The following STIM1 variants were observed in gnomAD, a reference collection of about 807,000 sequenced individuals.
STIM1 encodes stromal interaction molecule 1.
In STIM1, 25 loss-of-function variants were observed where a neutral mutation model predicts 74.7. The observed-to-expected ratio is 0.33, with a 90% CI of 0.24 to 0.47. The LOEUF (loss-of-function observed/expected upper bound fraction) is 0.47, where lower values mean the gene tolerates loss of function less well. Ranked by LOEUF, STIM1 falls within the 20% of genes least tolerant of loss-of-function variation. The pLI, the probability that STIM1 is intolerant of heterozygous loss-of-function variation, is 1.00. For missense variants in STIM1, 728 were observed against 920.8 expected (o/e 0.79, Z 2.71); for synonymous variants, 328 against 348.8 (o/e 0.94, Z 0.66).
At chr11:3,963,671 G>T (rs1013870966) in intron 1 of STIM1, among the ~76,000 whole-genome samples, 1 of 152,262 alleles carries the variant, frequency 6.6e-6, no homozygotes, top group African/African-American at 2.4e-5. Flanking sequence ...CAAGAACCTG[G>T]CTTTTTGTTG....
chr11:4,037,331 G>A (rs934098396), intron 3 of STIM1, among the ~76,000 whole-genome samples: 4 of 152,108 alleles, frequency 2.6e-5, no homozygotes, highest in Non-Finnish European at 4.4e-5. Flanking sequence ...AATTACAGGC[G>A]TGAGCCACTG....
At chr11:3,863,044 C>T (rs1385473608) in intron 1 of STIM1, among the ~76,000 whole-genome samples, 1 of 151,978 alleles carries the variant, frequency 6.6e-6, no homozygotes, top group Non-Finnish European at 1.5e-5. Context: ...AGGTGCCCGC[C>T]ACCACACCTG....
chr11:4,069,055 G>T (rs2094386875), intron 5 of STIM1, among the ~76,000 whole-genome samples: 2 of 152,188 alleles, frequency 1.3e-5, no homozygotes, highest in Admixed American at 6.5e-5. Context: ...CACATCCAGG[G>T]CTCCTCTGAG....
At chr11:4,003,540 T>A (rs201946831) in intron 2 of STIM1, among the ~76,000 whole-genome samples, 35 of 147,934 alleles carry the variant, frequency 2.4e-4, no homozygotes, top group African/African-American at 7.8e-4. Flanking sequence ...ATTCAACAAC[T>A]CTTCATGCTA....
intron 4 of STIM1, among the ~76,000 whole-genome samples, chr11:4,057,913 G>T (rs2094303551): frequency 6.6e-6 from 1 of 151,884 alleles, no homozygotes; most frequent in Non-Finnish European, 1.5e-5. Context: ...ATGGAACTGA[G>T]TTCTTAAGGT....
chr11:4,047,159 C>G (rs2094199690), intron 3 of STIM1, among the ~76,000 whole-genome samples: 1 of 152,184 alleles, frequency 6.6e-6, no homozygotes, highest in African/African-American at 2.4e-5. Flanking sequence ...AGGACACATT[C>G]CGTGCCTTCA....
chr11:3,890,105 C>G (rs2091849829), intron 1 of STIM1, among the ~76,000 whole-genome samples: 1 of 152,154 alleles, frequency 6.6e-6, no homozygotes, highest in African/African-American at 2.4e-5. Context: ...ATTGCTTACT[C>G]CTTGAGACTA....
intron 1 of STIM1, among the ~76,000 whole-genome samples, chr11:3,953,490 G>C (rs1043834298): frequency 1.3e-5 from 2 of 152,206 alleles, no homozygotes; most frequent in African/African-American, 4.8e-5. Context: ...TGCATAGGCT[G>C]ATCCAGATCA....
chr11:4,069,012 A>AT (rs1401264160), intron 5 of STIM1, among the ~76,000 whole-genome samples: 1 of 152,168 alleles, frequency 6.6e-6, no homozygotes, highest in African/African-American at 2.4e-5. Flanking sequence ...TAGCCCTGGC[A>AT]TAACTCCCTT....
chr11:3,879,163 C>A (rs893485205), intron 1 of STIM1, among the ~76,000 whole-genome samples: 3 of 152,076 alleles, frequency 2.0e-5, no homozygotes, highest in Non-Finnish European at 4.4e-5. Context: ...ACCATGTTGG[C>A]CAGGCTGGTC....
chr11:4,069,682 A>C (rs1277747482), intron 5 of STIM1, among the ~76,000 whole-genome samples: 3 of 152,170 alleles, frequency 2.0e-5, no homozygotes, highest in African/African-American at 4.8e-5. Context: ...AAGCCACTAC[A>C]TCTTGGCATA....
At chr11:3,991,169 CTT>C (rs1246143538) in intron 2 of STIM1, among the ~76,000 whole-genome samples, 21 of 124,180 alleles carry the variant, frequency 1.7e-4, no homozygotes, top group East Asian at 2.3e-4. Context: ...TCTTTCCTTT[CTT>C]TTTTTTTTTT....
chr11:4,074,445 AT>A (rs1321924553), intron 6 of STIM1, 56 bp from the exon 7 acceptor site: 9 of 1,601,372 alleles, frequency 5.6e-6, no homozygotes, highest in Non-Finnish European at 7.7e-6. Context: ...GACTCATGGC[AT>A]GTTGGCTGGC....
At chr11:4,010,851 T>A (rs2093828952) in intron 2 of STIM1, among the ~76,000 whole-genome samples, 2 of 152,334 alleles carry the variant, frequency 1.3e-5, no homozygotes, top group South Asian at 4.1e-4. Context: ...GTATTTCTTC[T>A]AATGCTATCC....
intron 2 of STIM1, among the ~76,000 whole-genome samples, chr11:4,017,742 C>A (rs894833388): frequency 1.3e-5 from 2 of 152,132 alleles, no homozygotes; most frequent in African/African-American, 4.8e-5. Context: ...CCTAAAAAAT[C>A]ATGAGGATAG....
At chr11:4,073,293 C>T (rs977536786) in intron 6 of STIM1, among the ~76,000 whole-genome samples, 2 of 152,128 alleles carry the variant, frequency 1.3e-5, no homozygotes, top group African/African-American at 4.8e-5. Flanking sequence ...TCCGTTTTCT[C>T]TTCCAAAGGG....
At chr11:4,053,941 A>G (rs2094266659) in intron 3 of STIM1, among the ~76,000 whole-genome samples, 1 of 152,218 alleles carries the variant, frequency 6.6e-6, no homozygotes, top group Non-Finnish European at 1.5e-5. Flanking sequence ...GCTGTCTAAC[A>G]GAACTTTCTA....
intron 1 of STIM1, among the ~76,000 whole-genome samples, chr11:3,898,394 C>T (rs1436741917): frequency 9.4e-6 from 1 of 105,842 alleles, no homozygotes; most frequent in African/African-American, 4.0e-5. Context: ...TGTTTGAGTT[C>T]ATTGTAGATT....
At chr11:4,086,612 C>T in intron 12 of STIM1, 69 bp downstream of exon 12, 1 of 1,600,722 alleles carries the variant, frequency 6.2e-7, no homozygotes, top group African/African-American at 1.3e-5. Context: ...CGCAGCCTTT[C>T]ATCTGGACAG....
Sources: allele counts gnomAD v4.1 joint callset (sites outside exome capture counted in the v4.1 genomes callset), GRCh38; gene constraint gnomAD v4.1.1; transcripts MANE v1.5; gene names NCBI Gene and HGNC (gene_info 2026-07-23, HGNC 2026-07-21).